The following ZC3H13 variants were observed in gnomAD, a reference collection of about 807,000 sequenced individuals.
ZC3H13 encodes the protein zinc finger CCCH-type containing 13.
A neutral mutation model predicts 204.1 loss-of-function variants in ZC3H13; 64 were observed. The observed-to-expected ratio is 0.31, with a 90% CI of 0.26 to 0.39. ZC3H13 has a LOEUF of 0.39. Ranked by LOEUF, ZC3H13 falls within the 10% of genes least tolerant of loss-of-function variation. The pLI, the probability that ZC3H13 is intolerant of heterozygous loss-of-function variation, is 1.00. For synonymous variants in ZC3H13, 667 were observed against 693.7 expected, an observed-to-expected ratio of 0.96 and a Z score of 0.60; for missense variants, 1,833 against 2,082.7, an observed-to-expected ratio of 0.88 and a Z score of 2.33.
At chr13:45,971,577 A>G (rs1367831949) in intron 12 of ZC3H13, among the ~76,000 whole-genome samples, 4 of 152,228 alleles carry the variant, frequency 2.6e-5, no homozygotes, top group Admixed American at 6.5e-5. Flanking sequence ...TAACACTGGG[A>G]AAACTCTTTT....
chr13:45,969,402 C>A lies in ZC3H13; in HGVS notation c.3142G>T (p.Gly1048Cys). The A allele has an allele frequency of 6.2e-7, 1 of 1,614,058 alleles. No individual in the cohort carries two copies. The highest frequency in any genetic ancestry group is 1.1e-5 in the South Asian group (1 of 91,082). The change falls in exon 14 of 19, where the codon GGT becomes TGT. Residue 1048 changes from glycine (G) to cysteine (C), a missense_variant. Transcript: ENST00000679008. ...GAGTCCTCTAGAATACCATTCTTAC[C>A]ATTGCACATTTCAACCAATTCCTCT... is the stretch of plus-strand genomic sequence containing the variant. ...TKEELVEMCN[G>C]KNGILEDSQK...
At chr13:46,026,379 A>G (rs934546124) in intron 4 of ZC3H13, among the ~76,000 whole-genome samples, 2 of 152,086 alleles carry the variant, frequency 1.3e-5, no homozygotes, top group Non-Finnish European at 2.9e-5. Flanking sequence ...ACCTACTACT[A>G]AGATACTTTA....
At chr13:46,032,120 G>A (rs1354698741) in intron 4 of ZC3H13, among the ~76,000 whole-genome samples, 1 of 152,110 alleles carries the variant, frequency 6.6e-6, no homozygotes, top group East Asian at 1.9e-4. Context: ...GTCACTGATC[G>A]CAACAAATGC....
chr13:45,992,245 T>C (rs1438229141), intron 8 of ZC3H13, among the ~76,000 whole-genome samples: 2 of 152,190 alleles, frequency 1.3e-5, no homozygotes, highest in Admixed American at 6.5e-5. Flanking sequence ...ATTAAATCAT[T>C]TTAATTCACT....
chr13:45,998,848 T>C (rs2040534722), intron 8 of ZC3H13, among the ~76,000 whole-genome samples: 1 of 152,036 alleles, frequency 6.6e-6, no homozygotes, highest in Admixed American at 6.5e-5. Context: ...AAGAAGACAA[T>C]GATGAAGTTT....
chr13:45,975,010 TA>T (rs1193729208), intron 12 of ZC3H13, among the ~76,000 whole-genome samples: 2 of 152,070 alleles, frequency 1.3e-5, no homozygotes, highest in African/African-American at 4.8e-5. Flanking sequence ...CACGTCCGGC[TA>T]ATTTTTGTAT....
At chr13:45,988,491 G>A (rs578135420) in intron 9 of ZC3H13, among the ~76,000 whole-genome samples, 3 of 152,012 alleles carry the variant, frequency 2.0e-5, no homozygotes, top group South Asian at 2.1e-4. Flanking sequence ...TCTCCTGACC[G>A]CATGATCCTC....
intron 18 of ZC3H13, among the ~76,000 whole-genome samples, chr13:45,958,473 A>G (rs796615496): frequency 2.0e-5 from 3 of 152,184 alleles, no homozygotes; most frequent in African/African-American, 7.2e-5. Flanking sequence ...ATTCTGGAAT[A>G]TTTGCATTAC....
chr13:46,003,770 A>G (rs1001695322), intron 7 of ZC3H13, among the ~76,000 whole-genome samples: 8 of 152,186 alleles, frequency 5.3e-5, no homozygotes, highest in Non-Finnish European at 1.2e-4. Flanking sequence ...TTCTCTGTCT[A>G]TTCATTTAAA....
intron 12 of ZC3H13, 33 bp from the exon 13 acceptor site, chr13:45,970,498 T>C: frequency 6.3e-7 from 1 of 1,584,452 alleles, no homozygotes; most frequent in Non-Finnish European, 8.6e-7. Flanking sequence ...ATTTATAAAA[T>C]TCTAGGGGGC....
At chr13:46,014,655 C>T (rs913143466) in intron 5 of ZC3H13, among the ~76,000 whole-genome samples, 5 of 152,116 alleles carry the variant, frequency 3.3e-5, no homozygotes, top group African/African-American at 1.2e-4. Flanking sequence ...ATATTTTGTA[C>T]TTTGCCTTTA....
rs370873211 is a variant in ZC3H13 at position 45,979,765 on chromosome 13, C to T, written c.1912+48G>A. 32 of 1,485,762 alleles carry T rather than the reference C, an allele frequency of 2.2e-5. 1 individual carries two copies. In the East Asian group the frequency reaches 4.1e-4, roughly 19 times the overall value. 92.0% of individuals were successfully genotyped at this position (1,485,762 alleles called of 1,614,324 possible). A position where few individuals can be genotyped will look rare whatever the true frequency, so the allele number is the denominator to read the frequency against. On this transcript the variant is annotated intron_variant, in intron 11 of 18. Coordinates refer to ENST00000679008, the MANE Select transcript of ZC3H13 (RefSeq NM_001330564.2). ...TTGGTAACTGTTTGAAAAAACAATT[C>T]GCCCAATTGATATTGTTCACTATTT...
At chr13:45,975,041 T>C (rs1006165096) in intron 12 of ZC3H13, among the ~76,000 whole-genome samples, 1 of 151,984 alleles carries the variant, frequency 6.6e-6, no homozygotes, top group African/African-American at 2.4e-5. Flanking sequence ...AGATGGAGTT[T>C]TGCCATGTTG....
chr13:45,982,841 T>C (rs1477636720), intron 10 of ZC3H13, among the ~76,000 whole-genome samples: 1 of 152,192 alleles, frequency 6.6e-6, no homozygotes, highest in Non-Finnish European at 1.5e-5. Flanking sequence ...GTTTTAGATT[T>C]TGGAGCATTT....
At chr13:46,052,186 T>C (rs965472092) in intron 1 of ZC3H13, among the ~76,000 whole-genome samples, 4 of 151,708 alleles carry the variant, frequency 2.6e-5, no homozygotes, top group African/African-American at 9.7e-5. Flanking sequence ...ATTGTCTGAG[T>C]CTACTTATCG....
intron 16 of ZC3H13, among the ~76,000 whole-genome samples, chr13:45,964,634 T>A (rs1212948256): frequency 6.6e-6 from 1 of 152,154 alleles, no homozygotes; most frequent in East Asian, 1.9e-4. Context: ...TTGCAAAATA[T>A]AAGAGCAAAT....
rs957655501 is a variant in ZC3H13 at position 45,962,751 on chromosome 13, A to C, written c.4675+1091T>G. ...TAGTGAAAAATTTAATACTAACTAAACTTTTATGTCCAGGGACATGACGTA... is the reference window on the plus strand; with the variant it reads ...TAGTGAAAAATTTAATACTAACTAACCTTTTATGTCCAGGGACATGACGTA... On this transcript the variant is annotated intron_variant, in intron 17 of 18. Coordinates refer to ENST00000679008, the MANE Select transcript of ZC3H13 (RefSeq NM_001330564.2). 3.0e-6 allele frequency: 3 copies of C among 985,222 alleles called. No homozygotes were observed. The African/African-American group carries it at 5.2e-5, about 17-fold the overall frequency. The allele number at this position is 985,222 out of a possible 1,614,324, so 61.0% of individuals were successfully genotyped here.
intron 15 of ZC3H13, 123 bp downstream of exon 15, chr13:45,967,381 A>G: frequency 9.1e-7 from 1 of 1,097,088 alleles, no homozygotes; most frequent in Non-Finnish European, 1.3e-6. Flanking sequence ...CTTCCTCTAT[A>G]GAAGAATGGA....
At chr13:46,046,221 C>A (rs988628049) in intron 1 of ZC3H13, among the ~76,000 whole-genome samples, 1 of 152,098 alleles carries the variant, frequency 6.6e-6, no homozygotes, top group Non-Finnish European at 1.5e-5. Context: ...ATAATCTATA[C>A]TACACTGACA....
Sources: gnomAD v4.1 joint callset for allele counts (sites outside exome capture counted in the v4.1 genomes callset) on GRCh38, gnomAD v4.1.1 for gene constraint, MANE v1.5 for transcripts, NCBI Gene and HGNC (gene_info 2026-07-23, HGNC 2026-07-21) for gene names.